The following MTMR1 variants were observed in gnomAD, a reference collection of about 807,000 sequenced individuals.
The protein encoded by MTMR1 is phosphatidylinositol-3-phosphate phosphatase MTMR1.
A neutral mutation model predicts 51.6 loss-of-function variants in MTMR1; 17 were observed. That is an observed-to-expected ratio of 0.33 (90% confidence interval 0.23 to 0.49). The LOEUF is 0.49. Ranked by LOEUF, MTMR1 falls within the 20% of genes least tolerant of loss-of-function variation. The pLI is 0.99. For missense variants in MTMR1, 386 were observed against 526.9 expected (o/e 0.73, Z 2.62); for synonymous variants, 201 against 205.6 (o/e 0.98, Z 0.19).
intron 10 of MTMR1, chrX:150,735,516 T>A (rs1459226335): frequency 2.0e-6 from 1 of 493,901 alleles, no homozygotes; most frequent in African/African-American, 2.3e-5. Flanking sequence ...AAGTATGCCC[T>A]CCTCTTCTAG....
chrX:150,694,100 A>C (rs1377351303), intron 1 of MTMR1, among the ~76,000 whole-genome samples: 1 of 111,049 alleles, frequency 9.0e-6, no homozygotes, highest in Non-Finnish European at 1.9e-5. Flanking sequence ...TTAAGACCCC[A>C]ATTCTGCTGT....
intron 10 of MTMR1, among the ~76,000 whole-genome samples, chrX:150,734,254 C>T (rs782384682): frequency 2.7e-5 from 3 of 112,949 alleles, no homozygotes; most frequent in African/African-American, 9.6e-5. Context: ...ATCCTGGATC[C>T]TTAAACACAT....
At chrX:150,740,910 AACTC>A (rs1468644520) in intron 12 of MTMR1, among the ~76,000 whole-genome samples, 3 of 109,644 alleles carry the variant, frequency 2.7e-5, no homozygotes, top group African/African-American at 1.0e-4. Context: ...ACTAATAGAG[AACTC>A]ACTCACACAC....
chrX:150,719,960 C>T (rs2041691902), intron 4 of MTMR1, among the ~76,000 whole-genome samples: 1 of 111,529 alleles, frequency 9.0e-6, no homozygotes, highest in South Asian at 3.8e-4. Flanking sequence ...GAGAGAAACT[C>T]CTGCCTGGCC....
chrX:150,695,052 A>T (rs932071174), intron 1 of MTMR1, among the ~76,000 whole-genome samples: 1 of 112,145 alleles, frequency 8.9e-6, no homozygotes, highest in South Asian at 3.7e-4. Context: ...ACATTTGAGT[A>T]ATGCCCCCAA....
chrX:150,745,192 A>G (rs1557417425), intron 13 of MTMR1, among the ~76,000 whole-genome samples: 2 of 112,280 alleles, frequency 1.8e-5, no homozygotes, highest in Non-Finnish European at 3.8e-5. Flanking sequence ...TGCCAGGGCA[A>G]TGGACCTGGA....
intron 4 of MTMR1, among the ~76,000 whole-genome samples, chrX:150,723,599 T>A (rs1359023217): frequency 8.9e-6 from 1 of 111,943 alleles, no homozygotes; most frequent in Non-Finnish European, 1.9e-5. Context: ...ATTTCTCTGA[T>A]GGCCCTATTT....
intron 1 of MTMR1, among the ~76,000 whole-genome samples, chrX:150,698,680 G>GCACACACACACACA (rs1214335904): frequency 1.7e-3 from 108 of 62,960 alleles, no homozygotes; most frequent in East Asian, 5.1e-3. Context: ...ACACGCGCGC[G>GCACACACACACACA]CACACACACA....
At chrX:150,694,670 C>A (rs1557415687) in intron 1 of MTMR1, among the ~76,000 whole-genome samples, 2 of 112,501 alleles carry the variant, frequency 1.8e-5, no homozygotes, top group Non-Finnish European at 3.8e-5. Context: ...AAATTAATCA[C>A]CCAAGTGGTT....
chrX:150,731,173 CAG>C lies in MTMR1; in HGVS notation c.742-294_742-293del, dbSNP rs1218824688. 8.9e-5 allele frequency among the ~76,000 whole-genome samples: 10 copies of C among 112,103 alleles called. No homozygotes were observed. The South Asian group carries it at 1.5e-3, about 16-fold the overall frequency. On this transcript the variant is annotated intron_variant, in intron 8 of 15. Coordinates refer to ENST00000445323, the MANE Select transcript of MTMR1 (RefSeq NM_001306144.3). ...CTTTTGAGTATATTCTCAAAAATAACAGAGCTCATTATTTATAGAAAATAGGA... is the reference window on the plus strand; with the variant it reads ...CTTTTGAGTATATTCTCAAAAATAACAGCTCATTATTTATAGAAAATAGGA...
At chrX:150,701,114 TTG>T (rs1183438915) in intron 2 of MTMR1, among the ~76,000 whole-genome samples, 2 of 112,662 alleles carry the variant, frequency 1.8e-5, no homozygotes, top group Non-Finnish European at 3.7e-5. Context: ...TGTTTTATAA[TTG>T]TCTTTGTTAT....
At position 150,764,709 on chromosome X, in the gene MTMR1, C is replaced by T. The variant is rs188997187; in HGVS notation, c.*1980C>T. 9.8e-5 allele frequency: 11 copies of T among 112,226 alleles called. No homozygotes were observed. In the East Asian group the frequency reaches 1.1e-3, roughly 11 times the overall value. 9.2% of individuals were successfully genotyped at this position (112,226 alleles called of 1,213,427 possible). A position where few individuals can be genotyped will look rare whatever the true frequency, so the allele number is the denominator to read the frequency against. On this transcript the variant is annotated 3_prime_UTR_variant, in exon 16 of 16. Transcript: ENST00000445323. The stretch of plus-strand genomic sequence containing the variant: ...CTCATTCGATTTTAAAGAAGCACAA[C>T]GGGTCATTTTCCTTTGTATGTTCCT...
chrX:150,701,700 G>A (rs2040912470), intron 2 of MTMR1, among the ~76,000 whole-genome samples: 2 of 111,808 alleles, frequency 1.8e-5, no homozygotes, highest in South Asian at 7.5e-4. Context: ...AAACAACCTA[G>A]TGAATCTGGG....
At chrX:150,714,904 GC>G (rs1557416348) in intron 3 of MTMR1, among the ~76,000 whole-genome samples, 1 of 111,712 alleles carries the variant, frequency 9.0e-6, no homozygotes, top group Non-Finnish European at 1.9e-5. Flanking sequence ...CATGATCTAT[GC>G]CCAACACAGT....
intron 12 of MTMR1, among the ~76,000 whole-genome samples, chrX:150,740,998 C>T (rs1229821578): frequency 1.8e-5 from 2 of 111,711 alleles, no homozygotes; most frequent in Non-Finnish European, 1.9e-5. Context: ...CATTAGGCTC[C>T]ACCTCCAACA....
At chrX:150,751,205 A>G in intron 14 of MTMR1, 1 of 812,417 alleles carries the variant, frequency 1.2e-6, no homozygotes, top group Non-Finnish European at 1.5e-6. Context: ...GGCCTTGGAA[A>G]TGGAGTCTGC....
At chrX:150,730,055 C>T in intron 6 of MTMR1, 54 bp from the exon 7 acceptor site, 1 of 796,661 alleles carries the variant, frequency 1.3e-6, no homozygotes, top group East Asian at 3.4e-5. Context: ...CGGTATCTGG[C>T]TTATAGGTGC....
At chrX:150,709,626 C>A (rs2041237704) in intron 2 of MTMR1, among the ~76,000 whole-genome samples, 1 of 111,972 alleles carries the variant, frequency 8.9e-6, no homozygotes, top group African/African-American at 3.3e-5. Flanking sequence ...GTGCTGGGAT[C>A]TGTGTGGCTT....
intron 14 of MTMR1, chrX:150,751,164 C>CGAA: frequency 1.1e-6 from 1 of 909,611 alleles, no homozygotes; most frequent in African/African-American, 2.1e-5. Flanking sequence ...TGCTTTTCAT[C>CGAA]CTCTGTGGTG....
Sources: gnomAD v4.1 joint callset for allele counts (sites outside exome capture counted in the v4.1 genomes callset) on GRCh38, gnomAD v4.1.1 for gene constraint, MANE v1.5 for transcripts, NCBI Gene and HGNC (gene_info 2026-07-23, HGNC 2026-07-21) for gene names.